Variants in SCHIP1 observed in about 807,000 individuals in gnomAD.
SCHIP1 encodes the protein schwannomin-interacting protein 1.
Under a neutral mutation model 29.7 loss-of-function variants are expected in SCHIP1, and 8 were observed. That is an observed-to-expected ratio of 0.27 (90% CI 0.16 to 0.49). SCHIP1 has a LOEUF of 0.49. SCHIP1 is among the 20% of genes least tolerant of loss of function. The probability of loss-of-function intolerance (pLI) is 0.99; values close to 1 mark genes in which losing one functional copy is unlikely to be tolerated. For synonymous variants in SCHIP1, 76 were observed against 94.9 expected (o/e 0.80, Z 1.16); for missense variants, 193 against 294.6 (o/e 0.66, Z 2.52).
chr3:159,689,911 C>T, the SCHIP1 span, among the ~76,000 whole-genome samples: 1 of 152,120 alleles, frequency 6.6e-6, no homozygotes, highest in East Asian at 1.9e-4. Context: ...TATTGATTTG[C>T]ATATGTTTAA....
the SCHIP1 span, among the ~76,000 whole-genome samples, chr3:159,514,794 C>T: frequency 6.6e-6 from 1 of 152,206 alleles, no homozygotes; most frequent in Admixed American, 6.5e-5. Context: ...TATCCAGCTG[C>T]TTCCTAGCAT....
chr3:159,436,353 T>C, the SCHIP1 span, among the ~76,000 whole-genome samples: 2 of 152,154 alleles, frequency 1.3e-5, no homozygotes, highest in African/African-American at 4.8e-5. Flanking sequence ...GTGCCTCAGT[T>C]TTCTCATCTG....
the SCHIP1 span, among the ~76,000 whole-genome samples, chr3:159,526,489 T>C: frequency 1.3e-5 from 2 of 152,158 alleles, no homozygotes; most frequent in East Asian, 3.8e-4. Flanking sequence ...TATTGAACTA[T>C]GTATTAAAGG....
the SCHIP1 span, among the ~76,000 whole-genome samples, chr3:159,590,344 G>A: frequency 6.6e-6 from 1 of 152,156 alleles, no homozygotes; most frequent in Admixed American, 6.5e-5. Context: ...CAGAGGCGAA[G>A]GTGGGAGGAA....
At chr3:159,490,487 A>G in the SCHIP1 span, among the ~76,000 whole-genome samples, 1 of 152,228 alleles carries the variant, frequency 6.6e-6, no homozygotes, top group Non-Finnish European at 1.5e-5. Context: ...TTATAGCTAG[A>G]TGTGTCATTA....
chr3:159,426,111 C>T, the SCHIP1 span, among the ~76,000 whole-genome samples: 1 of 151,594 alleles, frequency 6.6e-6, no homozygotes, highest in Non-Finnish European at 1.5e-5. Flanking sequence ...AAATTGACAC[C>T]CTAACATCAC....
chr3:159,858,271 G>C (rs543251559), intron 1 of SCHIP1, among the ~76,000 whole-genome samples: 5 of 152,276 alleles, frequency 3.3e-5, no homozygotes, highest in Middle Eastern at 3.4e-3. Flanking sequence ...TTTTGGATAT[G>C]GTGCTCACAG....
the SCHIP1 span, among the ~76,000 whole-genome samples, chr3:159,506,612 A>C: frequency 6.6e-6 from 1 of 152,316 alleles, no homozygotes; most frequent in Non-Finnish European, 1.5e-5. Flanking sequence ...CTAACATTTA[A>C]GTCTTTAATC....
chr3:159,700,175 C>A, the SCHIP1 span, among the ~76,000 whole-genome samples: 1 of 152,206 alleles, frequency 6.6e-6, no homozygotes, highest in Non-Finnish European at 1.5e-5. Context: ...AAGATTGACT[C>A]TAAACTTAAT....
At chr3:159,742,299 G>A in the SCHIP1 span, among the ~76,000 whole-genome samples, 5 of 152,176 alleles carry the variant, frequency 3.3e-5, no homozygotes, top group South Asian at 2.1e-4. Flanking sequence ...GGGAGTTATC[G>A]CAGGACCGGG....
the SCHIP1 span, among the ~76,000 whole-genome samples, chr3:159,743,542 G>A: frequency 1.3e-5 from 2 of 152,160 alleles, no homozygotes; most frequent in African/African-American, 4.8e-5. Context: ...CAGAGTTAGA[G>A]AACAGATTAA....
the SCHIP1 span, among the ~76,000 whole-genome samples, chr3:159,297,905 AC>A: frequency 1.3e-5 from 2 of 152,018 alleles, no homozygotes; most frequent in Non-Finnish European, 2.9e-5. Context: ...ATCCCCACCC[AC>A]CAAGCTTTCT....
At chr3:159,323,195 T>G in the SCHIP1 span, among the ~76,000 whole-genome samples, 1 of 152,260 alleles carries the variant, frequency 6.6e-6, no homozygotes, top group African/African-American at 2.4e-5. Flanking sequence ...CTCCCCTTAT[T>G]CCAAATGTTG....
At chr3:159,702,208 A>T in the SCHIP1 span, among the ~76,000 whole-genome samples, 1 of 152,198 alleles carries the variant, frequency 6.6e-6, no homozygotes, top group Non-Finnish European at 1.5e-5. Context: ...CAGTTGGCAT[A>T]GTGTAATTGG....
the SCHIP1 span, among the ~76,000 whole-genome samples, chr3:159,461,042 G>A: frequency 6.6e-6 from 1 of 152,188 alleles, no homozygotes. Flanking sequence ...GTAGCATTGG[G>A]AGCAGCAGAA....
At chr3:159,496,007 C>G in the SCHIP1 span, among the ~76,000 whole-genome samples, 301 of 152,234 alleles carry the variant, frequency 2.0e-3, no homozygotes, top group Non-Finnish European at 3.3e-3. Context: ...ATGGGGAAAG[C>G]ATTCCCTATT....
the SCHIP1 span, among the ~76,000 whole-genome samples, chr3:159,775,160 T>C: frequency 6.6e-6 from 1 of 152,228 alleles, no homozygotes; most frequent in Non-Finnish European, 1.5e-5. Flanking sequence ...ATGTCTGAGA[T>C]GATTGATCCC....
chr3:159,722,905 G>C, the SCHIP1 span, among the ~76,000 whole-genome samples: 1 of 152,092 alleles, frequency 6.6e-6, no homozygotes, highest in African/African-American at 2.4e-5. Flanking sequence ...TAGCTGAAGG[G>C]ATTTAGAATT....
chr3:159,871,171 T>C (rs760553389), intron 2 of SCHIP1, among the ~76,000 whole-genome samples: 92 of 152,130 alleles, frequency 6.0e-4, no homozygotes, highest in Non-Finnish European at 1.1e-3. Context: ...TCATTTGTTT[T>C]GCTTTCTGCC....
Sources: allele counts gnomAD v4.1 joint callset (sites outside exome capture counted in the v4.1 genomes callset), GRCh38; gene constraint gnomAD v4.1.1; transcripts MANE v1.5; gene names NCBI Gene and HGNC (gene_info 2026-07-23, HGNC 2026-07-21).